The following MECOM variants were observed in gnomAD, a reference collection of about 807,000 sequenced individuals.
The protein encoded by MECOM is histone-lysine N-methyltransferase MECOM.
In MECOM, 13 loss-of-function variants were observed where a neutral mutation model predicts 116.3. The observed-to-expected ratio is 0.11, with a 90% confidence interval of 0.07 to 0.18. The LOEUF is 0.18. Among genes scored for constraint, MECOM ranks in the 10% least tolerant of loss-of-function variants. MECOM has a pLI of 1.00. For missense variants in MECOM, 1,299 were observed against 1,509.0 expected (o/e 0.86, Z 2.31); for synonymous variants, 528 against 535.2 (o/e 0.99, Z 0.19).
chr3:169,403,341 T>G (rs906574044), intron 1 of MECOM, among the ~76,000 whole-genome samples: 2 of 152,244 alleles, frequency 1.3e-5, no homozygotes, highest in Admixed American at 6.5e-5. Context: ...AGTTGGGTTT[T>G]ATTTATTATG....
At chr3:169,423,776 A>G (rs1740170334) in intron 1 of MECOM, among the ~76,000 whole-genome samples, 1 of 152,120 alleles carries the variant, frequency 6.6e-6, no homozygotes, top group African/African-American at 2.4e-5. Context: ...GAAGCTTCCA[A>G]GCAAAGACAA....
chr3:169,440,516 T>G (rs1314102628), intron 1 of MECOM, among the ~76,000 whole-genome samples: 1 of 113,870 alleles, frequency 8.8e-6, no homozygotes, highest in East Asian at 3.0e-4. Flanking sequence ...GGAAGCCTGT[T>G]GGCATGTAAG....
chr3:169,548,785 T>C (rs1576823511), intron 1 of MECOM, among the ~76,000 whole-genome samples: 1 of 152,170 alleles, frequency 6.6e-6, no homozygotes, highest in South Asian at 2.1e-4. Flanking sequence ...TTAAGCTCTG[T>C]TTTATTCTGT....
chr3:169,168,204 T>C (rs1359288359), intron 2 of MECOM, among the ~76,000 whole-genome samples: 1 of 152,054 alleles, frequency 6.6e-6, no homozygotes, highest in Non-Finnish European at 1.5e-5. Flanking sequence ...TGTTTTTTGT[T>C]GTGTTTTTTG....
intron 3 of MECOM, among the ~76,000 whole-genome samples, chr3:169,134,875 C>A (rs926925778): frequency 2.0e-5 from 3 of 151,962 alleles, no homozygotes; most frequent in Non-Finnish European, 4.4e-5. Flanking sequence ...AGCCCTGAAA[C>A]AATATAGTGG....
At chr3:169,283,905 AGACTCAT>A (rs1712710119) in intron 2 of MECOM, among the ~76,000 whole-genome samples, 1 of 152,208 alleles carries the variant, frequency 6.6e-6, no homozygotes, top group South Asian at 2.1e-4. Flanking sequence ...ACATTTCCCA[AGACTCAT>A]GGTTGCAGTG....
chr3:169,161,285 C>A (rs918316424), intron 2 of MECOM, among the ~76,000 whole-genome samples: 1 of 152,244 alleles, frequency 6.6e-6, no homozygotes, highest in African/African-American at 2.4e-5. Flanking sequence ...GGAAGACCAA[C>A]CCTAATATAA....
intron 1 of MECOM, among the ~76,000 whole-genome samples, chr3:169,449,495 C>G (rs1055646354): frequency 3.3e-5 from 5 of 152,102 alleles, no homozygotes; most frequent in African/African-American, 7.2e-5. Context: ...TTATCATCAG[C>G]TCAGGATAAA....
At chr3:169,196,946 T>C in intron 2 of MECOM, among the ~76,000 whole-genome samples, 1 of 151,954 alleles carries the variant, frequency 6.6e-6, no homozygotes. Context: ...GATAAAGAAA[T>C]TGTGGTATAG....
In MECOM at chr3:169,301,745, A is replaced by G. The variant is rs138680143; in HGVS notation, c.375+79442T>C. Among the ~76,000 whole-genome samples, 1,358 of 152,366 alleles carry G rather than the reference A, an allele frequency of 8.9e-3. 6 individuals are homozygous for G. Among genetic ancestry groups the G allele is most frequent in the Non-Finnish European group, 0.013 (908 of 68,034 alleles). ...GTTTTCAGTCATGTTAATCAAGTAA[A>G]GTATATTTATAGGATTTATATTACT... On this transcript the variant is annotated intron_variant, in intron 2 of 16. Transcript: ENST00000651503.
intron 1 of MECOM, among the ~76,000 whole-genome samples, chr3:169,594,772 A>G (rs541757597): frequency 1.3e-5 from 2 of 151,838 alleles, no homozygotes; most frequent in African/African-American, 4.8e-5. Flanking sequence ...TCTGAATATC[A>G]ATTGATAAGC....
At chr3:169,217,259 T>C (rs917072410) in intron 2 of MECOM, among the ~76,000 whole-genome samples, 5 of 151,742 alleles carry the variant, frequency 3.3e-5, no homozygotes, top group African/African-American at 1.2e-4. Flanking sequence ...AGCTAGACTC[T>C]TGGAGTCTTT....
chr3:169,209,817 C>G (rs1247106375), intron 2 of MECOM, among the ~76,000 whole-genome samples: 1 of 152,044 alleles, frequency 6.6e-6, no homozygotes, highest in Non-Finnish European at 1.5e-5. Flanking sequence ...GTATCTAGAA[C>G]CAGAAATAGC....
chr3:169,140,092 T>C (rs1737652532), intron 3 of MECOM, among the ~76,000 whole-genome samples: 1 of 151,814 alleles, frequency 6.6e-6, no homozygotes, highest in South Asian at 2.1e-4. Context: ...TCTATATTGG[T>C]CCTCTTGAGG....
At chr3:169,393,373 T>C (rs1224225319) in intron 1 of MECOM, among the ~76,000 whole-genome samples, 2 of 152,048 alleles carry the variant, frequency 1.3e-5, no homozygotes, top group African/African-American at 4.8e-5. Flanking sequence ...GATAATGAAT[T>C]TTTCTCAAAT....
chr3:169,599,353 A>G (rs1373367388), intron 1 of MECOM, among the ~76,000 whole-genome samples: 1 of 152,102 alleles, frequency 6.6e-6, no homozygotes, highest in African/African-American at 2.4e-5. Context: ...ATCTCTACTT[A>G]AAATACAAAA....
chr3:169,119,802 C>T (rs1730392044), intron 7 of MECOM, among the ~76,000 whole-genome samples: 1 of 152,204 alleles, frequency 6.6e-6, no homozygotes, highest in South Asian at 2.1e-4. Flanking sequence ...GCTTTATTTC[C>T]CGTGACCTTC....
At chr3:169,470,609 T>C (rs1342789576) in intron 1 of MECOM, among the ~76,000 whole-genome samples, 1 of 152,106 alleles carries the variant, frequency 6.6e-6, no homozygotes, top group Admixed American at 6.6e-5. Context: ...AAGTGATATG[T>C]ATTAGACTGT....
intron 1 of MECOM, among the ~76,000 whole-genome samples, chr3:169,443,091 T>C (rs1306631093): frequency 2.6e-5 from 4 of 152,190 alleles, no homozygotes; most frequent in Non-Finnish European, 5.9e-5. Context: ...TGTTTTCTAC[T>C]CATAATATTT....
Sources: allele counts gnomAD v4.1 joint callset (sites outside exome capture counted in the v4.1 genomes callset), GRCh38; gene constraint gnomAD v4.1.1; transcripts MANE v1.5; gene names NCBI Gene and HGNC (gene_info 2026-07-23, HGNC 2026-07-21).